The following ZDHHC21 variants were observed in gnomAD, a reference collection of about 807,000 sequenced individuals.
ZDHHC21 encodes palmitoyltransferase ZDHHC21.
In ZDHHC21, 15 loss-of-function variants were observed where a neutral mutation model predicts 34.6. The observed-to-expected ratio is 0.43, with a 90% CI of 0.29 to 0.67. ZDHHC21 has a LOEUF of 0.67. Ranked by LOEUF, ZDHHC21 falls within the 30% of genes least tolerant of loss-of-function variation. ZDHHC21 has a pLI of 0.14. For synonymous variants in ZDHHC21, 142 were observed against 101.8 expected (o/e 1.40, Z -2.38); for missense variants, 344 against 327.7 (o/e 1.05, Z -0.38).
At chr9:14,676,185 C>A (rs911438459) in intron 3 of ZDHHC21, among the ~76,000 whole-genome samples, 5 of 151,808 alleles carry the variant, frequency 3.3e-5, no homozygotes, top group Non-Finnish European at 7.4e-5. Flanking sequence ...AGGCAAAAGC[C>A]AAAATTAGGT....
intron 7 of ZDHHC21, among the ~76,000 whole-genome samples, chr9:14,643,032 AGTTCGAG>A (rs1829652040): frequency 1.3e-5 from 2 of 152,136 alleles, no homozygotes; most frequent in African/African-American, 4.8e-5. Context: ...TGAGGTCAGG[AGTTCGAG>A]ACTAGCCTGG....
intron 5 of ZDHHC21, among the ~76,000 whole-genome samples, chr9:14,663,421 T>C (rs988005629): frequency 6.6e-6 from 1 of 151,168 alleles, no homozygotes; most frequent in African/African-American, 2.4e-5. Flanking sequence ...AATCAAAAAA[T>C]GAAAGATTCT....
intron 8 of ZDHHC21, among the ~76,000 whole-genome samples, chr9:14,635,148 C>T (rs142597842): frequency 6.6e-6 from 1 of 152,126 alleles, no homozygotes; most frequent in African/African-American, 2.4e-5. Context: ...AAGAAAAAAG[C>T]ATTTAAAAAA....
downstream of ZDHHC21, among the ~76,000 whole-genome samples, chr9:14,606,504 C>T (rs1279965642): frequency 1.3e-5 from 2 of 152,122 alleles, no homozygotes; most frequent in Non-Finnish European, 2.9e-5. Flanking sequence ...ATTGCAGTTG[C>T]CAGCCATAGA....
the ZDHHC21 span, chr9:14,594,252 G>A: frequency 6.6e-6 from 1 of 152,054 alleles, no homozygotes; most frequent in African/African-American, 2.4e-5. Context: ...AAATACAAAG[G>A]ACCTAAGATA....
chr9:14,622,769 TCTGGAC>T, intron 8 of ZDHHC21: 1 of 982,306 alleles, frequency 1.0e-6, no homozygotes, highest in South Asian at 4.7e-5. Context: ...AGCCATTGCC[TCTGGAC>T]CTGTTTAACC....
chr9:14,608,608 CA>C (rs1344478941), downstream of ZDHHC21, among the ~76,000 whole-genome samples: 3 of 151,592 alleles, frequency 2.0e-5, no homozygotes, highest in Non-Finnish European at 4.4e-5. Flanking sequence ...AGAGGACATA[CA>C]AAGAATGTGC....
At chr9:14,676,054 T>C (rs531782098) in intron 3 of ZDHHC21, among the ~76,000 whole-genome samples, 3 of 152,130 alleles carry the variant, frequency 2.0e-5, no homozygotes, top group African/African-American at 7.2e-5. Flanking sequence ...GACTGAATTC[T>C]TCGGCAATGG....
Position 14,662,293 on chromosome 9 carries a change from T to G in ZDHHC21, c.287A>C (p.Asn96Thr), listed in dbSNP as rs765876988. 6.2e-7 allele frequency: 1 copy of G among 1,611,004 alleles called. No homozygotes were observed. Among genetic ancestry groups the G allele is most frequent in the Non-Finnish European group, 8.5e-7 (1 of 1,179,008 alleles). ...REFWELCNKC[N>T]LMRPKRSHHC... ...ATGGGAACGCTTTGGTCTCATCAAA[T>G]TACACTTGTTACATAATTCCCAGAA... Residue 96 changes from asparagine to threonine, a missense_variant, in exon 6 of 10, where the codon AAT becomes ACT. Coordinates refer to ENST00000380916, the MANE Select transcript of ZDHHC21 (RefSeq NM_178566.6).
intron 5 of ZDHHC21, among the ~76,000 whole-genome samples, chr9:14,670,990 C>A (rs1835345858): frequency 6.6e-6 from 1 of 151,786 alleles, no homozygotes; most frequent in Non-Finnish European, 1.5e-5. Flanking sequence ...TTTGTACTAG[C>A]CAAGTAATAA....
At chr9:14,640,307 G>GAAAAAAAAAAAAA (rs371542807) in intron 7 of ZDHHC21, among the ~76,000 whole-genome samples, 1 of 125,702 alleles carries the variant, frequency 8.0e-6, no homozygotes, top group Non-Finnish European at 1.7e-5. Context: ...CCTATTTTGG[G>GAAAAAAAAAAAAA]GAAAAAAAAA....
the ZDHHC21 span, among the ~76,000 whole-genome samples, chr9:14,598,125 G>A: frequency 6.6e-6 from 1 of 152,098 alleles, no homozygotes; most frequent in Non-Finnish European, 1.5e-5. Context: ...CCCAGAGCAA[G>A]CTGCCTGGAG....
chr9:14,629,856 G>A (rs371548953), intron 8 of ZDHHC21, among the ~76,000 whole-genome samples: 2 of 152,060 alleles, frequency 1.3e-5, no homozygotes, highest in South Asian at 2.1e-4. Flanking sequence ...ATACCATCCT[G>A]GCCAACATGG....
chr9:14,683,541 A>C (rs1186143342), intron 2 of ZDHHC21: 1 of 152,206 alleles, frequency 6.6e-6, no homozygotes, highest in South Asian at 2.1e-4. Context: ...CAGGCTCTGA[A>C]ATTGAGGCAA....
At chr9:14,660,123 T>C (rs767462561) in intron 6 of ZDHHC21, among the ~76,000 whole-genome samples, 1 of 152,040 alleles carries the variant, frequency 6.6e-6, no homozygotes, top group Non-Finnish European at 1.5e-5. Flanking sequence ...CCCAGAACTT[T>C]GGGAGGCCGA....
the ZDHHC21 span, among the ~76,000 whole-genome samples, chr9:14,590,831 A>G: frequency 1.3e-5 from 2 of 152,202 alleles, no homozygotes; most frequent in Non-Finnish European, 2.9e-5. Context: ...AATGATAAAC[A>G]TATGGGGAAA....
At chr9:14,664,897 A>G (rs1834122692) in intron 5 of ZDHHC21, among the ~76,000 whole-genome samples, 1 of 151,782 alleles carries the variant, frequency 6.6e-6, no homozygotes, top group Non-Finnish European at 1.5e-5. Context: ...AAAGATGGGG[A>G]AAAAACAGAA....
rs142178623 is a variant in ZDHHC21, at chr9:14,690,894, G to C, written c.-224-509C>G. On this transcript the variant is annotated intron_variant, in intron 1 of 9. Coordinates refer to ENST00000380916, the MANE Select transcript of ZDHHC21 (RefSeq NM_178566.6). ...TATTTAAGCACTGATTATTCTACTAGATGCTAAATTGCCTATTATATTTAA... is the reference window on the plus strand; with the variant it reads ...TATTTAAGCACTGATTATTCTACTACATGCTAAATTGCCTATTATATTTAA... Among the ~76,000 whole-genome samples, 625 of 152,140 alleles carry C rather than the reference G, an allele frequency of 4.1e-3. 6 individuals carry two copies. The highest frequency in any genetic ancestry group is 0.014 in the African/African-American group (585 of 41,510).
At position 14,658,857 on chromosome 9, in the gene ZDHHC21, A is replaced by G. The variant is rs150180464; in HGVS notation, c.396T>C (p.His132=). Residue 132 remains histidine, a synonymous_variant, in exon 7 of 10, where the codon CAT becomes CAC. Coordinates refer to ENST00000380916, the MANE Select transcript of ZDHHC21 (RefSeq NM_178566.6). The part of the protein sequence containing the change: ...WINNCVGEDN[H]WLFLQLCFYT... ...AGAAACACAACTGCAGAAAGAGCCA[A>G]TGATTATCTTCACCAACACAATTGT... 2.9e-5 allele frequency: 46 copies of G among 1,613,292 alleles called. No homozygotes were observed. In the African/African-American group the frequency reaches 5.7e-4, roughly 20 times the overall value.
Sources: allele counts gnomAD v4.1 joint callset (sites outside exome capture counted in the v4.1 genomes callset), GRCh38; gene constraint gnomAD v4.1.1; transcripts MANE v1.5; gene names NCBI Gene and HGNC (gene_info 2026-07-23, HGNC 2026-07-21).